Variants in CDHR2 observed in about 807,000 individuals in gnomAD.
CDHR2 encodes the protein cadherin-related family member 2.
In CDHR2, 104 loss-of-function variants were observed where a neutral mutation model predicts 138.6. The ratio of observed to expected loss-of-function variants is 0.75; its 90% CI spans 0.64 to 0.88. The LOEUF (loss-of-function observed/expected upper bound fraction) is 0.88, where lower values mean the gene tolerates loss of function less well. Among genes scored for constraint, CDHR2 ranks in the 40% least tolerant of loss-of-function variants. The probability of loss-of-function intolerance (pLI) is 0.00; values close to 1 mark genes in which losing one functional copy is unlikely to be tolerated. For synonymous variants in CDHR2, 755 were observed against 742.8 expected, an observed-to-expected ratio of 1.02 and a Z score of -0.27; for missense variants, 1,624 against 1,727.6, an observed-to-expected ratio of 0.94 and a Z score of 1.06.
At chr5:176,592,688 C>T in intron 30 of CDHR2, 35 bp from the exon 31 acceptor site, 1 of 1,605,414 alleles carries the variant, frequency 6.2e-7, no homozygotes, top group East Asian at 2.2e-5. Context: ...AGGACTGGGC[C>T]TGCCAACACC....
At position 176,590,119 on chromosome 5, in the gene CDHR2, A is replaced by T; in HGVS notation, c.3248A>T (p.Asp1083Val). The T allele has an allele frequency of 6.2e-7, 1 of 1,613,846 alleles. No homozygotes were observed. The highest frequency in any genetic ancestry group is 8.5e-7 in the Non-Finnish European group (1 of 1,180,006). ...QATRTTVYIVDIQDIDSAARA... is the reference protein window; with the variant it reads ...QATRTTVYIVVIQDIDSAARA... ...ACCAGGACTACAGTATACATTGTGGACATTCAGGACATAGATTCTGCAGCT... is the reference window on the plus strand; with the variant it reads ...ACCAGGACTACAGTATACATTGTGGTCATTCAGGACATAGATTCTGCAGCT... The change falls in exon 25 of 32, where the codon GAC becomes GTC. Residue 1083 changes from aspartate to valine, a missense_variant. By Grantham distance (152) the Asp-to-Val change is radical (BLOSUM62 -3). Coordinates refer to ENST00000261944, the MANE Select transcript of CDHR2 (RefSeq NM_017675.6).
intron 1 of CDHR2, among the ~76,000 whole-genome samples, chr5:176,542,961 C>T (rs1452298750): frequency 6.6e-6 from 1 of 151,876 alleles, no homozygotes; most frequent in Non-Finnish European, 1.5e-5. Context: ...GTCCCAGCCG[C>T]AGCTGGGACT....
upstream of CDHR2, among the ~76,000 whole-genome samples, chr5:176,547,212 G>C (rs1337060005): frequency 6.6e-6 from 1 of 151,990 alleles, no homozygotes; most frequent in Non-Finnish European, 1.5e-5. Flanking sequence ...TTCTTGACCT[G>C]GTGATCCACC....
intron 3 of CDHR2, among the ~76,000 whole-genome samples, 195 bp from the exon 4 acceptor site, chr5:176,568,483 A>G (rs1758132024): frequency 6.6e-6 from 1 of 152,228 alleles, no homozygotes; most frequent in Non-Finnish European, 1.5e-5. Context: ...CACTGTGTCC[A>G]GTGCCCATCG....
At chr5:176,569,950 A>C (rs1581137886) in intron 5 of CDHR2, among the ~76,000 whole-genome samples, 1 of 141,336 alleles carries the variant, frequency 7.1e-6, no homozygotes, top group South Asian at 2.3e-4. Flanking sequence ...ATAGCACGAG[A>C]CTCCGTCTCA....
upstream of CDHR2, among the ~76,000 whole-genome samples, chr5:176,548,552 C>A (rs1017269799): frequency 2.0e-5 from 3 of 152,102 alleles, no homozygotes; most frequent in African/African-American, 7.2e-5. Flanking sequence ...CCAGCCTGGC[C>A]AACATGGTGA....
chr5:176,555,039 C>T (rs555023470), intron 1 of CDHR2, among the ~76,000 whole-genome samples: 7 of 152,350 alleles, frequency 4.6e-5, no homozygotes, highest in Admixed American at 2.6e-4. Context: ...TCTTGCTATT[C>T]ATTGCTGTAA....
Position 176,595,681 on chromosome 5 carries a change from C to G in CDHR2, c.*9C>G. 6.3e-7 allele frequency: 1 copy of G among 1,576,814 alleles called. No homozygotes were observed. The highest frequency in any genetic ancestry group is 1.8e-5 in the Admixed American group (1 of 55,686). On this transcript the variant is annotated 3_prime_UTR_variant, in exon 32 of 32. Coordinates refer to ENST00000261944, the MANE Select transcript of CDHR2 (RefSeq NM_017675.6). ...ACACCACGGACCTGTGACAGGGGCCCCCACTCTTCTGGACCCCTTGAAGAG... is the reference window on the plus strand; with the variant it reads ...ACACCACGGACCTGTGACAGGGGCCGCCACTCTTCTGGACCCCTTGAAGAG...
intron 6 of CDHR2, among the ~76,000 whole-genome samples, chr5:176,572,010 G>C (rs1035124912): frequency 2.6e-5 from 4 of 152,222 alleles, no homozygotes; most frequent in Admixed American, 2.0e-4. Context: ...TATGATTTGA[G>C]TTTCTCTCCT....
chr5:176,576,652 C>A lies in CDHR2; in HGVS notation c.1194+467C>A, dbSNP rs3762965. ...AGTGCAATGGCCCAATCTTGGCCCA[C>A]TGCAACCTCTGCCTCCCAGGTGGAA... On this transcript the variant is annotated intron_variant, in intron 12 of 31. Transcript: ENST00000261944. The surrounding 1 kb of genome is among the most constrained non-coding windows in gnomAD (Gnocchi z 4.5). Among the ~76,000 whole-genome samples the A allele has an allele frequency of 0.24, 36,407 of 150,748 alleles. 4,535 individuals are homozygous for A. Among genetic ancestry groups the A allele is most frequent in the East Asian group, 0.47 (2,372 of 5,038 alleles).
At chr5:176,588,261 AGTGT>A (rs1017915036) in intron 21 of CDHR2, among the ~76,000 whole-genome samples, 1 of 141,986 alleles carries the variant, frequency 7.0e-6, no homozygotes, top group African/African-American at 2.5e-5. Context: ...AGGGTGAGTG[AGTGT>A]ATGTGAATGT....
At chr5:176,560,351 G>A (rs1430745014) in intron 1 of CDHR2, among the ~76,000 whole-genome samples, 2 of 151,488 alleles carry the variant, frequency 1.3e-5, no homozygotes, top group African/African-American at 2.4e-5. Context: ...AGCCAAGATC[G>A]CACTACTGCA....
In CDHR2 at chr5:176,575,765, G is replaced by C; in HGVS notation, c.886G>C (p.Val296Leu). 1 of 1,567,742 alleles carries C rather than the reference G, an allele frequency of 6.4e-7. No individual in the cohort carries two copies. ...PGWFDIGADG[V>L]IRVNGSLDRE... ...CTGGTTTGACATCGGGGCAGATGGG[G>C]TGATCAGGGTCAACGGCTCCCTGGA... is the stretch of plus-strand genomic sequence containing the variant. The change falls in exon 11 of 32, where the codon GTG (valine) becomes CTG (leucine). Residue 296 changes from valine (V) to leucine (L), a missense_variant. This residue lies in a region of CDHR2 where 1,061 missense variants were observed against 1,136.6 expected (regional missense o/e 0.93). Coordinates refer to ENST00000261944, the MANE Select transcript of CDHR2 (RefSeq NM_017675.6).
chr5:176,570,312 C>A, intron 5 of CDHR2, among the ~76,000 whole-genome samples: 1 of 152,194 alleles, frequency 6.6e-6, no homozygotes, highest in Non-Finnish European at 1.5e-5. Flanking sequence ...AGCGAACGTG[C>A]ACATTCCCGT....
Position 176,584,466 on chromosome 5 carries a change from C to T in CDHR2, c.2185C>T (p.Arg729Cys), listed in dbSNP as rs746999531. 19 of 1,609,254 alleles carry T rather than the reference C, an allele frequency of 1.2e-5. No individual in the cohort carries two copies. The highest frequency in any genetic ancestry group is 1.7e-4 in the Middle Eastern group (1 of 6,054). ...CGCGGACCAGACGGAAGCCAACAAC[C>T]GCATCAGCTTCAGCCTGTCGGGGAG... ...WDADQTEANN[R>C]ISFSLSGSGA... Residue 729 changes from arginine (R) to cysteine (C), a missense_variant, in exon 19 of 32, where the codon CGC becomes TGC. Arg to Cys is a radical substitution (Grantham distance 180). Transcript: ENST00000261944.
chr5:176,573,242 G>A (rs2113293280), intron 6 of CDHR2, among the ~76,000 whole-genome samples: 1 of 152,092 alleles, frequency 6.6e-6, no homozygotes, highest in Non-Finnish European at 1.5e-5. Context: ...AAGGAGTCTG[G>A]ACTGTGATCT....
chr5:176,594,040 G>T (rs3811872), intron 31 of CDHR2, among the ~76,000 whole-genome samples: 42,293 of 152,072 alleles, frequency 0.28, 5,946 homozygotes, highest in East Asian at 0.33. Context: ...CTGTGGCAGA[G>T]GCTGATGCTG....
chr5:176,571,787 C>T (rs758204114), intron 6 of CDHR2, among the ~76,000 whole-genome samples: 5 of 152,080 alleles, frequency 3.3e-5, no homozygotes, highest in Admixed American at 6.5e-5. Context: ...CCGCACGCCT[C>T]GGCCTCCCAA....
intron 1 of CDHR2, among the ~76,000 whole-genome samples, chr5:176,551,915 C>T (rs1757715054): frequency 1.3e-5 from 2 of 151,468 alleles, no homozygotes; most frequent in Admixed American, 1.3e-4. Flanking sequence ...GGCGTTTCAC[C>T]ATGTTAGCCA....
Sources: gnomAD v4.1 joint callset for allele counts (sites outside exome capture counted in the v4.1 genomes callset) on GRCh38, gnomAD v4.1.1 for gene constraint, gnomAD v4.1.1 regional missense constraint, Gnocchi (gnomAD v3.1) non-coding constraint, MANE v1.5 for transcripts, NCBI Gene and HGNC (gene_info 2026-07-23, HGNC 2026-07-21) for gene names.